Variants in IPMK observed in about 807,000 individuals in gnomAD.
IPMK encodes inositol 1,3,4,6-tetrakisphosphate 5-kinase.
A neutral mutation model predicts 45.8 loss-of-function variants in IPMK; 17 were observed. The observed-to-expected ratio is 0.37, with a 90% CI of 0.25 to 0.56. IPMK has a LOEUF of 0.56. Among genes scored for constraint, IPMK ranks in the 20% least tolerant of loss-of-function variants. The pLI, the probability that IPMK is intolerant of heterozygous loss-of-function variation, is 0.79. For synonymous variants in IPMK, 180 were observed against 184.3 expected, an observed-to-expected ratio of 0.98 and a Z score of 0.19; for missense variants, 399 against 498.0, an observed-to-expected ratio of 0.80 and a Z score of 1.89.
chr10:58,195,983 T>C lies in IPMK; in HGVS notation c.*93A>G, dbSNP rs1837886560. 1 of 1,213,464 alleles carries C rather than the reference T, an allele frequency of 8.2e-7. No homozygotes were observed. The highest frequency in any genetic ancestry group is 1.5e-5 in the African/African-American group (1 of 65,746). The allele number at this position is 1,213,464 out of a possible 1,614,324, so 75.2% of individuals were successfully genotyped here. On this transcript the variant is annotated 3_prime_UTR_variant, in exon 6 of 6. Transcript: ENST00000373935. The stretch of plus-strand genomic sequence containing the variant: ...AGACAAATAAAATGTCGACTCATAA[T>C]ACAAATTTTTTACATAGCATTAAAG...
chr10:58,252,908 G>T (rs919758216), intron 1 of IPMK, among the ~76,000 whole-genome samples: 1 of 151,464 alleles, frequency 6.6e-6, no homozygotes, highest in East Asian at 1.9e-4. Context: ...CACTGTGCCC[G>T]GCCACATCCA....
intron 4 of IPMK, among the ~76,000 whole-genome samples, chr10:58,211,171 A>C (rs1838152692): frequency 6.7e-6 from 1 of 149,908 alleles, no homozygotes; most frequent in Admixed American, 6.6e-5. Context: ...GATGGCTGAC[A>C]GGTAACAGTG....
chr10:58,267,027 T>C (rs1180097480), intron 1 of IPMK, among the ~76,000 whole-genome samples: 1 of 152,214 alleles, frequency 6.6e-6, no homozygotes, highest in Non-Finnish European at 1.5e-5. Flanking sequence ...ATTTCATTCC[T>C]TTTCTTTTGC....
chr10:58,235,965 T>TC (rs1276193894), intron 2 of IPMK, among the ~76,000 whole-genome samples: 2 of 151,488 alleles, frequency 1.3e-5, no homozygotes, highest in Non-Finnish European at 2.9e-5. Context: ...TCTCACCCTG[T>TC]CCCCCCATGC....
intron 1 of IPMK, among the ~76,000 whole-genome samples, chr10:58,240,892 G>A (rs549871041): frequency 3.3e-5 from 5 of 152,264 alleles, no homozygotes; most frequent in African/African-American, 1.2e-4. Context: ...GCCAGAAAAA[G>A]TGACCATCAG....
intron 4 of IPMK, among the ~76,000 whole-genome samples, chr10:58,210,752 T>C (rs1838146363): frequency 6.6e-6 from 1 of 152,242 alleles, no homozygotes; most frequent in Non-Finnish European, 1.5e-5. Context: ...TCAGGGGGTA[T>C]GTGTTCGAAG....
intron 2 of IPMK, among the ~76,000 whole-genome samples, chr10:58,234,922 C>A (rs1020230711): frequency 6.6e-6 from 1 of 152,014 alleles, no homozygotes; most frequent in African/African-American, 2.4e-5. Context: ...ACCCATCTGA[C>A]AAAGGGCTAA....
chr10:58,265,266 T>C (rs993057953), intron 1 of IPMK, among the ~76,000 whole-genome samples: 2 of 152,162 alleles, frequency 1.3e-5, no homozygotes, highest in Admixed American at 6.5e-5. Flanking sequence ...TGGAAATAGG[T>C]AAAATAATTC....
chr10:58,196,183 G>A lies in IPMK; in HGVS notation c.1144C>T (p.Arg382Ter). The change falls in exon 6 of 6, where the codon CGA (arginine) becomes TGA (stop). Residue 382 changes from arginine to a stop codon, truncating the protein, a stop_gained. Coordinates refer to ENST00000373935, the MANE Select transcript of IPMK (RefSeq NM_152230.5). LOFTEE classifies it high-confidence loss of function. ...AACACATGAGCAAAATCTATCATTC[G>A]CACTTCTACTTCAGCAATCTCTTGG... ...GCQEIAEVEV[R>*]MIDFAHVFPS... 1.9e-6 allele frequency: 3 copies of A among 1,614,024 alleles called. No individual in the cohort carries two copies. Among genetic ancestry groups the A allele is most frequent in the African/African-American group, 1.3e-5 (1 of 75,016 alleles).
In IPMK at chr10:58,196,594, G is replaced by T. The variant is rs1157844985; in HGVS notation, c.733C>A (p.Gln245Lys). 1.2e-6 allele frequency: 2 copies of T among 1,614,062 alleles called. No individual in the cohort carries two copies. Among genetic ancestry groups the T allele is most frequent in the South Asian group, 2.2e-5 (2 of 91,080 alleles). The change falls in exon 6 of 6, where the codon CAG becomes AAG. Residue 245 changes from glutamine (Q) to lysine (K), a missense_variant. Gln to Lys is a moderately conservative substitution (Grantham distance 53). This residue lies in a region of IPMK where 288 missense variants were observed against 398.0 expected (regional missense o/e 0.72). Coordinates refer to ENST00000373935, the MANE Select transcript of IPMK (RefSeq NM_152230.5). ...KILQWFENQK[Q>K]LNFYASSLLF... is the part of the protein sequence containing the mutation. ...AATGAACTTGCGTAAAAATTAAGCTGCTTCTGGTTTTCAAACCACTGCAGA... is the reference window on the plus strand; with the variant it reads ...AATGAACTTGCGTAAAAATTAAGCTTCTTCTGGTTTTCAAACCACTGCAGA...
chr10:58,252,894 G>A (rs905989541), intron 1 of IPMK, among the ~76,000 whole-genome samples: 29 of 152,070 alleles, frequency 1.9e-4, no homozygotes, highest in African/African-American at 6.0e-4. Flanking sequence ...TTACAGGCAT[G>A]AGCCACTGTG....
chr10:58,257,555 G>C (rs1438620616), intron 1 of IPMK, among the ~76,000 whole-genome samples: 1 of 152,092 alleles, frequency 6.6e-6, no homozygotes, highest in Non-Finnish European at 1.5e-5. Context: ...TAAAATGTGA[G>C]AAAGGTACTG....
At chr10:58,201,454 T>C (rs1837997279) in intron 4 of IPMK, among the ~76,000 whole-genome samples, 1 of 152,214 alleles carries the variant, frequency 6.6e-6, no homozygotes, top group Admixed American at 6.5e-5. Context: ...TATTTTGGGA[T>C]GTCACGAAGC....
intron 3 of IPMK, among the ~76,000 whole-genome samples, chr10:58,226,786 T>C (rs1838423083): frequency 6.6e-6 from 1 of 152,134 alleles, no homozygotes; most frequent in African/African-American, 2.4e-5. Context: ...ATCTGCAAAT[T>C]AAGATAGTAT....
chr10:58,245,212 G>A lies in IPMK; in HGVS notation c.191-7398C>T, dbSNP rs932976269. On this transcript the variant is annotated intron_variant, in intron 1 of 5. Transcript: ENST00000373935. ...AAATACTACATGATTACACTTATAG[G>A]AGATATTTAAAGCAGTTAAATTCTT... Among the ~76,000 whole-genome samples the A allele has an allele frequency of 2.7e-5, 4 of 150,608 alleles. 1 individual carries two copies. The highest frequency in any genetic ancestry group is 6.6e-5 in the Admixed American group (1 of 15,260).
At chr10:58,243,610 T>TC (rs1838732730) in intron 1 of IPMK, among the ~76,000 whole-genome samples, 1 of 152,226 alleles carries the variant, frequency 6.6e-6, no homozygotes, top group African/African-American at 2.4e-5. Context: ...CCTCGGGTGA[T>TC]TAGCCCGCCT....
At chr10:58,267,316 A>C in intron 1 of IPMK, 106 bp downstream of exon 1, 2 of 1,123,114 alleles carry the variant, frequency 1.8e-6, no homozygotes, top group Non-Finnish European at 2.6e-6. Flanking sequence ...TGGCGTGCAC[A>C]CCAGGGGGGC....
chr10:58,213,703 A>G (rs1040341592), intron 4 of IPMK, among the ~76,000 whole-genome samples: 1 of 150,662 alleles, frequency 6.6e-6, no homozygotes, highest in African/African-American at 2.4e-5. Flanking sequence ...AAAAGAAAAA[A>G]AAAAAGAAAA....
intron 1 of IPMK, among the ~76,000 whole-genome samples, chr10:58,255,239 A>G (rs1368184494): frequency 6.6e-6 from 1 of 152,220 alleles, no homozygotes; most frequent in East Asian, 1.9e-4. Flanking sequence ...TGTTCCCAAT[A>G]CACTCCAGTT....
Sources: allele counts gnomAD v4.1 joint callset (sites outside exome capture counted in the v4.1 genomes callset), GRCh38; gene constraint gnomAD v4.1.1; regional missense constraint gnomAD v4.1.1; transcripts MANE v1.5; gene names NCBI Gene and HGNC (gene_info 2026-07-23, HGNC 2026-07-21).